Variants in MRE11 observed in about 807,000 individuals in gnomAD.
The protein encoded by MRE11 is MRE11 double strand break repair nuclease.
In MRE11, 62 loss-of-function variants were observed where a neutral mutation model predicts 91.7. The observed-to-expected ratio is 0.68, with a 90% CI of 0.55 to 0.84. The LOEUF is 0.84. MRE11 is among the 40% of genes least tolerant of loss of function. MRE11 has a pLI of 0.00. For synonymous variants in MRE11, 273 were observed against 271.4 expected (o/e 1.01, Z -0.06); for missense variants, 796 against 852.9 (o/e 0.93, Z 0.83).
intron 18 of MRE11, 30 bp downstream of exon 18, chr11:94,435,802 G>A: frequency 6.3e-7 from 1 of 1,585,268 alleles, no homozygotes; most frequent in Non-Finnish European, 8.7e-7. Context: ...TTTTTCAGAT[G>A]TTTCTTTTGC....
chr11:94,473,456 T>C (rs1165983814), intron 7 of MRE11: 1 of 152,150 alleles, frequency 6.6e-6, no homozygotes, highest in African/African-American at 2.4e-5. Context: ...ATTCAGATTC[T>C]TTCTTCTTTG....
chr11:94,420,051 A>G lies in MRE11; in HGVS notation c.*74T>C, dbSNP rs940700153. ...CTCAGGAAACAATACTTAAAATCTT[A>G]AACTGTAAACTCTTAGCTTGTAACA... is the stretch of plus-strand genomic sequence containing the variant. On this transcript the variant is annotated 3_prime_UTR_variant, in exon 20 of 20. Coordinates refer to ENST00000323929, the MANE Select transcript of MRE11 (RefSeq NM_005591.4). The G allele has an allele frequency of 1.6e-6, 2 of 1,246,148 alleles. No individual in the cohort carries two copies. The highest frequency in any genetic ancestry group is 1.8e-5 in the Admixed American group (1 of 56,186). The allele number at this position is 1,246,148 out of a possible 1,614,324, so 77.2% of individuals were successfully genotyped here. A position where few individuals can be genotyped will look rare whatever the true frequency, so the allele number is the denominator to read the frequency against.
At chr11:94,440,499 C>G (rs911378057) in intron 16 of MRE11, among the ~76,000 whole-genome samples, 1 of 151,864 alleles carries the variant, frequency 6.6e-6, no homozygotes, top group South Asian at 2.1e-4. Context: ...CAGGCCAAAA[C>G]TGAAGAAAAG....
intron 9 of MRE11, 50 bp downstream of exon 9, chr11:94,470,421 A>C: frequency 4.5e-6 from 7 of 1,563,622 alleles, no homozygotes; most frequent in Non-Finnish European, 4.4e-6. Context: ...TTGAAGGTGA[A>C]TAATTCTTCA....
chr11:94,437,016 A>AG (rs1372290714), intron 17 of MRE11, among the ~76,000 whole-genome samples, 161 bp downstream of exon 17: 5 of 152,170 alleles, frequency 3.3e-5, no homozygotes, highest in African/African-American at 1.2e-4. Context: ...GAAAAAAAAA[A>AG]TCAAATCCTA....
In MRE11 at chr11:94,419,951, C is replaced by T. The variant is rs1945125237; in HGVS notation, c.*174G>A. ...TGAAACAAAGCTCTTACTACAACAA[C>T]CAGGTTAAAAAAACAAGGTGAATCA... On this transcript the variant is annotated 3_prime_UTR_variant, in exon 20 of 20. Transcript: ENST00000323929. 4.0e-6 allele frequency: 2 copies of T among 499,646 alleles called. No homozygotes were observed. Among genetic ancestry groups the T allele is most frequent in the African/African-American group, 1.9e-5 (1 of 52,100 alleles). 31.0% of individuals were successfully genotyped at this position (499,646 alleles called of 1,614,324 possible).
At chr11:94,498,881 T>C (rs1947455079), upstream of MRE11, 1 of 249,338 alleles carries the variant, frequency 4.0e-6, no homozygotes, top group Admixed American at 5.1e-5. Context: ...GTTGGGTATT[T>C]AGTATATTGA....
At chr11:94,460,861 A>C (rs2134998978) in intron 12 of MRE11, 75 bp downstream of exon 12, 1 of 1,199,834 alleles carries the variant, frequency 8.3e-7, no homozygotes, top group Middle Eastern at 1.9e-4. Context: ...TTAAACTATC[A>C]ACTAAACATA....
Position 94,471,332 on chromosome 11 carries a change from T to A in MRE11, c.845+242A>T, listed in dbSNP as rs546818037. Among the ~76,000 whole-genome samples, 13 of 152,144 alleles carry A rather than the reference T, an allele frequency of 8.5e-5. No individual in the cohort carries two copies. The East Asian group carries it at 2.3e-3, about 27-fold the overall frequency. ...CCTTGAAATATAATAAAAATGTGCA[T>A]CTTGAATTTGCCTAATGAGCAGCAA... On this transcript the variant is annotated intron_variant, in intron 8 of 19. Coordinates refer to ENST00000323929, the MANE Select transcript of MRE11 (RefSeq NM_005591.4).
chr11:94,466,199 A>G (rs1946558290), intron 10 of MRE11, among the ~76,000 whole-genome samples: 1 of 152,136 alleles, frequency 6.6e-6, no homozygotes, highest in South Asian at 2.1e-4. Context: ...CATCATGTAG[A>G]CCCCTGAATG....
Position 94,419,465 on chromosome 11 carries a change from G to GGGGGGAGAGAGAGA in MRE11, c.*659_*660insTCTCTCTCTCCCCC, listed in dbSNP as rs373002609. On this transcript the variant is annotated 3_prime_UTR_variant, in exon 20 of 20. Transcript: ENST00000323929. ...GAAGAGTGGGGAACGGGGGGGAGAG[G>GGGGGGAGAGAGAGA]GAGAGAGAGAGAGAGAGAGAGAGAG... 5.1e-6 allele frequency: 1 copy of GGGGGGAGAGAGAGA among 196,686 alleles called. No individual in the cohort carries two copies. The highest frequency in any genetic ancestry group is 7.7e-5 in the East Asian group (1 of 13,044). The allele number at this position is 196,686 out of a possible 1,614,324, so 12.2% of individuals were successfully genotyped here.
intron 19 of MRE11, among the ~76,000 whole-genome samples, chr11:94,426,461 A>T (rs1945319548): frequency 6.6e-6 from 1 of 151,350 alleles, no homozygotes; most frequent in African/African-American, 2.4e-5. Flanking sequence ...ACAATTTGTT[A>T]ATTTAAATCA....
rs1238082340 is a variant in MRE11 at position 94,429,915 on chromosome 11, C to T, written c.2066G>A (p.Ser689Asn). 13 of 1,612,506 alleles carry T rather than the reference C, an allele frequency of 8.1e-6. No homozygotes were observed. The highest frequency in any genetic ancestry group is 1.0e-5 in the Non-Finnish European group (12 of 1,179,302). ...TTAACAATATTACTTATTTACCTCA[C>T]TTGATTCAAAATCAACCCCTTTCGA... ...QVSKGVDFES[S>N]EDDDDDPFMN... Residue 689 changes from serine (S) to asparagine (N), a missense_variant, in exon 19 of 20, where the codon AGT becomes AAT. By Grantham distance (46) the Ser-to-Asn change is conservative. Coordinates refer to ENST00000323929, the MANE Select transcript of MRE11 (RefSeq NM_005591.4).
rs914531442 is a variant in MRE11 at position 94,418,777 on chromosome 11, T to G, written c.*1348A>C. The stretch of plus-strand genomic sequence containing the variant: ...TTACTTGCTCAAATAACCCTTATGC[T>G]CAAGTTAGGTACAGAAAAAATATTT... On this transcript the variant is annotated 3_prime_UTR_variant, in exon 20 of 20. Coordinates refer to ENST00000323929, the MANE Select transcript of MRE11 (RefSeq NM_005591.4). 1 of 232,280 alleles carries G rather than the reference T, an allele frequency of 4.3e-6. No homozygotes were observed. The highest frequency in any genetic ancestry group is 8.5e-6 in the Non-Finnish European group (1 of 117,444). The allele number at this position is 232,280 out of a possible 1,614,324, so 14.4% of individuals were successfully genotyped here.
intron 18 of MRE11, among the ~76,000 whole-genome samples, 154 bp downstream of exon 18, chr11:94,435,678 T>C (rs781151202): frequency 1.3e-5 from 2 of 152,260 alleles, no homozygotes; most frequent in Non-Finnish European, 2.9e-5. Context: ...CTCTATAAAC[T>C]AGCCCTTGGT....
intron 19 of MRE11, among the ~76,000 whole-genome samples, chr11:94,422,291 T>C (rs949307027): frequency 1.3e-5 from 2 of 152,300 alleles, no homozygotes; most frequent in East Asian, 1.9e-4. Flanking sequence ...TCCTCATTCA[T>C]GGTGGGGAGA....
chr11:94,444,186 G>T (rs1945864349), intron 16 of MRE11, among the ~76,000 whole-genome samples: 1 of 152,108 alleles, frequency 6.6e-6, no homozygotes, highest in Non-Finnish European at 1.5e-5. Flanking sequence ...TAGGATTATA[G>T]GCATGAGCCA....
At chr11:94,474,452 T>C (rs1441971289) in intron 7 of MRE11, among the ~76,000 whole-genome samples, 1 of 87,776 alleles carries the variant, frequency 1.1e-5, no homozygotes, top group Admixed American at 1.2e-4. Flanking sequence ...CATAAATAAG[T>C]AAGTAAATAG....
chr11:94,490,383 C>T (rs1947255138), intron 3 of MRE11, among the ~76,000 whole-genome samples: 1 of 152,210 alleles, frequency 6.6e-6, no homozygotes, highest in Admixed American at 6.5e-5. Flanking sequence ...CTTCATTAAA[C>T]TCATCTTGCT....
Sources: allele counts gnomAD v4.1 joint callset (sites outside exome capture counted in the v4.1 genomes callset), GRCh38; gene constraint gnomAD v4.1.1; transcripts MANE v1.5; gene names NCBI Gene and HGNC (gene_info 2026-07-23, HGNC 2026-07-21).